The following CD109 variants were observed in gnomAD, a reference collection of about 807,000 sequenced individuals.
CD109 encodes CD109 molecule, also known as CD109 antigen.
CD109 carries 149 observed loss-of-function variants against 165.8 expected under a neutral mutation model. That is an observed-to-expected ratio of 0.90 (90% CI 0.79 to 1.03). The LOEUF is 1.03. CD109 is among the 50% of genes least tolerant of loss of function. CD109 has a pLI of 0.00. For missense variants in CD109, 1,712 were observed against 1,677.8 expected (o/e 1.02, Z -0.36); for synonymous variants, 585 against 592.1 (o/e 0.99, Z 0.18).
rs1261164314 is a variant in CD109 at position 73,825,163 on chromosome 6, A to C, written c.*1530A>C. 1 of 152,246 alleles carries C rather than the reference A, an allele frequency of 6.6e-6. No individual in the cohort carries two copies. Among genetic ancestry groups the C allele is most frequent in the Non-Finnish European group, 1.5e-5 (1 of 68,050 alleles). 9.4% of individuals were successfully genotyped at this position (152,246 alleles called of 1,614,324 possible). A position where few individuals can be genotyped will look rare whatever the true frequency, so the allele number is the denominator to read the frequency against. ...TGCTTATGGATATTTTGGATACCAA[A>C]GTAGGAATAACTGACATTCAGTATT... On this transcript the variant is annotated 3_prime_UTR_variant, in exon 33 of 33. Transcript: ENST00000287097.
Position 73,728,137 on chromosome 6 carries a change from A to T in CD109, c.277-2207A>T, listed in dbSNP as rs77927734. 9.3e-3 allele frequency among the ~76,000 whole-genome samples: 1,414 copies of T among 152,284 alleles called. 22 individuals are homozygous for T. Among genetic ancestry groups the T allele is most frequent in the African/African-American group, 0.032 (1,334 of 41,558 alleles). Reference sequence around the variant, plus strand: ...GGAATTCGAAACCAGCCTGGCCAACATGGTAAAACCTTTTCTCTACTAAAA... The same window carrying T: ...GGAATTCGAAACCAGCCTGGCCAACTTGGTAAAACCTTTTCTCTACTAAAA... On this transcript the variant is annotated intron_variant, in intron 3 of 32. Transcript: ENST00000287097.
chr6:73,713,024 C>T (rs902752710), intron 2 of CD109, among the ~76,000 whole-genome samples: 2 of 152,154 alleles, frequency 1.3e-5, no homozygotes, highest in African/African-American at 4.8e-5. Flanking sequence ...CTATTTAATT[C>T]TCAACCTAGC....
At chr6:73,800,584 G>C (rs1214886481) in intron 23 of CD109, among the ~76,000 whole-genome samples, 1 of 152,192 alleles carries the variant, frequency 6.6e-6, no homozygotes, top group Non-Finnish European at 1.5e-5. Context: ...CCCAACAGAA[G>C]GAGTGGTCAG....
intron 22 of CD109, among the ~76,000 whole-genome samples, chr6:73,789,963 T>C (rs1774859832): frequency 6.6e-6 from 1 of 151,748 alleles, no homozygotes; most frequent in African/African-American, 2.4e-5. Flanking sequence ...GCTTTTGCAG[T>C]GTTGGCCAGG....
intron 2 of CD109, among the ~76,000 whole-genome samples, chr6:73,716,178 G>C (rs1477312908): frequency 6.6e-6 from 1 of 152,116 alleles, no homozygotes; most frequent in Non-Finnish European, 1.5e-5. Context: ...CCATTCATTT[G>C]TTGATGGACA....
intron 3 of CD109, among the ~76,000 whole-genome samples, chr6:73,729,059 C>T (rs1772246608): frequency 6.6e-6 from 1 of 152,192 alleles, no homozygotes; most frequent in African/African-American, 2.4e-5. Context: ...ACTAGGCTGA[C>T]ACGTGGTTGT....
At chr6:73,751,075 T>A (rs1261414932) in intron 5 of CD109, among the ~76,000 whole-genome samples, 2 of 152,168 alleles carry the variant, frequency 1.3e-5, no homozygotes, top group African/African-American at 4.8e-5. Context: ...TGCCTTTGAC[T>A]CCTCCAGACT....
intron 5 of CD109, among the ~76,000 whole-genome samples, chr6:73,747,576 C>T (rs981158999): frequency 3.9e-5 from 6 of 152,192 alleles, no homozygotes; most frequent in African/African-American, 1.4e-4. Flanking sequence ...AAATTGGCCT[C>T]TCTGAGAGAA....
At chr6:73,717,954 A>G (rs1771807126) in intron 2 of CD109, among the ~76,000 whole-genome samples, 2 of 151,654 alleles carry the variant, frequency 1.3e-5, no homozygotes, top group African/African-American at 4.8e-5. Flanking sequence ...TGTATCCTGC[A>G]ACTAGACTGA....
At chr6:73,775,212 T>C (rs1774196908) in intron 15 of CD109, among the ~76,000 whole-genome samples, 1 of 152,036 alleles carries the variant, frequency 6.6e-6, no homozygotes, top group African/African-American at 2.4e-5. Flanking sequence ...TATATGTATA[T>C]ATGAGGTTAT....
At chr6:73,812,118 T>G in intron 28 of CD109, 87 bp from the exon 29 acceptor site, 1 of 749,252 alleles carries the variant, frequency 1.3e-6, no homozygotes, top group Non-Finnish European at 2.3e-6. Context: ...CTTTTCCTAA[T>G]GAGGGATAGG....
chr6:73,753,370 T>A (rs1158279602), intron 5 of CD109, among the ~76,000 whole-genome samples: 1 of 152,226 alleles, frequency 6.6e-6, no homozygotes, highest in Non-Finnish European at 1.5e-5. Context: ...TTTAAATATT[T>A]CAGTATCTTT....
At chr6:73,820,055 A>G (rs1776058727) in intron 31 of CD109, among the ~76,000 whole-genome samples, 1 of 152,144 alleles carries the variant, frequency 6.6e-6, no homozygotes, top group African/African-American at 2.4e-5. Flanking sequence ...GTACAGCCCC[A>G]TCTTAGTTAC....
At chr6:73,758,899 C>G in intron 6 of CD109, 45 bp from the exon 7 acceptor site, 1 of 1,000,530 alleles carries the variant, frequency 1.0e-6, no homozygotes, top group African/African-American at 1.6e-5. Context: ...CTTGCTTCTT[C>G]GTCTCAAAAA....
At chr6:73,728,636 G>C (rs1353606394) in intron 3 of CD109, among the ~76,000 whole-genome samples, 1 of 152,116 alleles carries the variant, frequency 6.6e-6, no homozygotes, top group Non-Finnish European at 1.5e-5. Context: ...TATTGCTGCT[G>C]ACCATTTTAT....
At chr6:73,696,354 C>A in intron 1 of CD109, 65 bp downstream of exon 1, 1 of 1,298,222 alleles carries the variant, frequency 7.7e-7, no homozygotes, top group Non-Finnish European at 9.9e-7. Flanking sequence ...CGGCTCTGGG[C>A]CAGGGCTTCG....
At chr6:73,713,864 T>A (rs1460647794) in intron 2 of CD109, among the ~76,000 whole-genome samples, 1 of 152,192 alleles carries the variant, frequency 6.6e-6, no homozygotes, top group African/African-American at 2.4e-5. Flanking sequence ...GACTCCCAAC[T>A]GTTTTTTTAC....
the CD109 span, among the ~76,000 whole-genome samples, chr6:73,682,908 G>T: frequency 6.6e-6 from 1 of 152,190 alleles, no homozygotes; most frequent in Non-Finnish European, 1.5e-5. Flanking sequence ...TGCTAGAGTG[G>T]CTGGGACACA....
At position 73,823,462 on chromosome 6, in the gene CD109, A is replaced by T; in HGVS notation, c.4167A>T (p.Arg1389Ser). The change falls in exon 33 of 33, where the codon AGA becomes AGT. Residue 1389 changes from arginine to serine, a missense_variant. By Grantham distance (110) the Arg-to-Ser change is moderately radical. Coordinates refer to ENST00000287097, the MANE Select transcript of CD109 (RefSeq NM_133493.5). ...VSIVDYYEPRRQAVRSYNSEV... is the reference protein window; with the variant it reads ...VSIVDYYEPRSQAVRSYNSEV... Reference sequence around the variant, plus strand: ...GATGTCTGCTTCTTTGAACAGGGAGACAGGCGGTGAGAAGTTACAACTCTG... The same window carrying T: ...GATGTCTGCTTCTTTGAACAGGGAGTCAGGCGGTGAGAAGTTACAACTCTG... The T allele has an allele frequency of 6.2e-7, 1 of 1,605,114 alleles. No homozygotes were observed. Among genetic ancestry groups the T allele is most frequent in the Non-Finnish European group, 8.5e-7 (1 of 1,173,450 alleles).
Sources: allele counts gnomAD v4.1 joint callset (sites outside exome capture counted in the v4.1 genomes callset), GRCh38; gene constraint gnomAD v4.1.1; transcripts MANE v1.5; gene names NCBI Gene and HGNC (gene_info 2026-07-23, HGNC 2026-07-21).